The following RCN1 variants were observed in gnomAD, a reference collection of about 807,000 sequenced individuals.
RCN1 encodes the protein reticulocalbin 1.
RCN1 carries 14 observed loss-of-function variants against 34.7 expected under a neutral mutation model. That is an observed-to-expected ratio of 0.40 (90% CI 0.27 to 0.63). The LOEUF is 0.63. Ranked by LOEUF, RCN1 falls within the 30% of genes least tolerant of loss-of-function variation. RCN1 has a pLI of 0.37. For missense variants in RCN1, 326 were observed against 425.1 expected (o/e 0.77, Z 2.05); for synonymous variants, 125 against 165.5 (o/e 0.76, Z 1.88).
At chr11:32,093,735 A>G (rs1851944092) in intron 1 of RCN1, among the ~76,000 whole-genome samples, 1 of 152,210 alleles carries the variant, frequency 6.6e-6, no homozygotes, top group Non-Finnish European at 1.5e-5. Flanking sequence ...TGAGATGGAC[A>G]TGAGATGTTA....
At chr11:32,104,003 T>TTGCCCCCAAATTCTCAGGTTA (rs1456918617) in intron 5 of RCN1, among the ~76,000 whole-genome samples, 1 of 152,196 alleles carries the variant, frequency 6.6e-6, no homozygotes, top group Admixed American at 6.5e-5. Context: ...ACTTTGCTGA[T>TTGCCCCCAAATTCTCAGGTTA]TGCCCCCAAA....
At chr11:32,103,587 A>G (rs559611053) in intron 5 of RCN1, 107 bp downstream of exon 5, 2 of 962,454 alleles carry the variant, frequency 2.1e-6, no homozygotes, top group Non-Finnish European at 3.3e-6. Context: ...CCATGTCTTT[A>G]TTGACTTTTC....
intron 2 of RCN1, 31 bp from the exon 3 acceptor site, chr11:32,098,319 A>G (rs1590218808): frequency 6.3e-7 from 1 of 1,585,766 alleles, no homozygotes; most frequent in Middle Eastern, 2.2e-4. Flanking sequence ...CGCACGGTTT[A>G]AAAACATTTC....
chr11:32,101,456 C>T (rs1211026712), intron 4 of RCN1, among the ~76,000 whole-genome samples: 1 of 152,140 alleles, frequency 6.6e-6, no homozygotes, highest in Non-Finnish European at 1.5e-5. Flanking sequence ...AATTTTTGTA[C>T]AGATTTTTAA....
At chr11:32,103,620 C>G in intron 5 of RCN1, 140 bp downstream of exon 5, 2 of 724,586 alleles carry the variant, frequency 2.8e-6, no homozygotes, top group Middle Eastern at 2.4e-4. Context: ...CAGTGGAGAC[C>G]TGTAAACTTG....
At chr11:32,103,625 A>C in intron 5 of RCN1, 145 bp downstream of exon 5, 2 of 699,710 alleles carry the variant, frequency 2.9e-6, no homozygotes, top group Non-Finnish European at 4.9e-6. Context: ...GAGACCTGTA[A>C]ACTTGAGCTA....
At position 32,104,597 on chromosome 11, in the gene RCN1, G is replaced by C. The variant is rs1011864406; in HGVS notation, c.*125G>C. The C allele has an allele frequency of 2.2e-5, 13 of 587,464 alleles. No homozygotes were observed. The African/African-American group carries it at 2.2e-4, about 10-fold the overall frequency. 36.4% of individuals were successfully genotyped at this position (587,464 alleles called of 1,614,324 possible). On this transcript the variant is annotated 3_prime_UTR_variant, in exon 6 of 6. Coordinates refer to ENST00000054950, the MANE Select transcript of RCN1 (RefSeq NM_002901.4). ...AAAGCAAGTTTATACCTCAGATTGG[G>C]GTATAAAAATTGTTTTTCGCTCAGT...
At chr11:32,091,731 G>T (rs892716248) in intron 1 of RCN1, 32 of 458,010 alleles carry the variant, frequency 7.0e-5, no homozygotes, top group Non-Finnish European at 5.7e-5. Context: ...GCGAGGGCCC[G>T]CCCCCTCCCC....
At chr11:32,100,858 C>T (rs1020634710) in intron 4 of RCN1, among the ~76,000 whole-genome samples, 1 of 152,106 alleles carries the variant, frequency 6.6e-6, no homozygotes, top group African/African-American at 2.4e-5. Flanking sequence ...ACAGTTGGCC[C>T]CATGACTCTG....
chr11:32,104,327 A>G (rs1383212054), intron 5 of RCN1, 38 bp from the exon 6 acceptor site: 13 of 1,219,986 alleles, frequency 1.1e-5, no homozygotes, highest in Non-Finnish European at 1.2e-5. Flanking sequence ...TACAGTTACC[A>G]GAGCTTCCAT....
At chr11:32,095,303 G>A (rs1851960594) in intron 1 of RCN1, among the ~76,000 whole-genome samples, 1 of 150,946 alleles carries the variant, frequency 6.6e-6, no homozygotes, top group Non-Finnish European at 1.5e-5. Flanking sequence ...TGTTTACAGT[G>A]GTACAGTCAT....
chr11:32,103,815 C>T (rs1349425084), intron 5 of RCN1, among the ~76,000 whole-genome samples: 1 of 152,172 alleles, frequency 6.6e-6, no homozygotes, highest in Non-Finnish European at 1.5e-5. Context: ...TTCATTGTCA[C>T]CAAATACTTA....
intron 3 of RCN1, 97 bp from the exon 4 acceptor site, chr11:32,100,451 T>TCTCGGTGG: frequency 1.0e-6 from 1 of 975,494 alleles, no homozygotes; most frequent in Non-Finnish European, 1.6e-6. Flanking sequence ...TCACCAAGCA[T>TCTCGGTGG]TCAGCCGTAA....
chr11:32,097,460 C>G, intron 2 of RCN1, 123 bp downstream of exon 2: 1 of 585,430 alleles, frequency 1.7e-6, no homozygotes, highest in East Asian at 3.2e-5. Context: ...TAAGTAGAAC[C>G]TGCTTGTATA....
In RCN1 at chr11:32,091,078, C is replaced by A; in HGVS notation, c.-119C>A. On this transcript the variant is annotated 5_prime_UTR_variant, in exon 1 of 6. Coordinates refer to ENST00000054950, the MANE Select transcript of RCN1 (RefSeq NM_002901.4). ...GCACTGGCGGAGGGACTGGCCAGTC[C>A]CCTCCTCCGCGCCGGCCCCAACCCT... 1 of 1,191,514 alleles carries A rather than the reference C, an allele frequency of 8.4e-7. No homozygotes were observed. The highest frequency in any genetic ancestry group is 1.1e-6 in the Non-Finnish European group (1 of 914,008). 73.8% of individuals were successfully genotyped at this position (1,191,514 alleles called of 1,614,324 possible).
chr11:32,098,785 T>C (rs1172535886), intron 3 of RCN1, among the ~76,000 whole-genome samples: 4 of 152,200 alleles, frequency 2.6e-5, no homozygotes, highest in Admixed American at 6.5e-5. Context: ...GGCTGTTCTC[T>C]GAGCACAGTT....
At chr11:32,098,878 G>T (rs1336332758) in intron 3 of RCN1, among the ~76,000 whole-genome samples, 2 of 152,142 alleles carry the variant, frequency 1.3e-5, no homozygotes, top group Non-Finnish European at 2.9e-5. Flanking sequence ...CACCCAGCTG[G>T]CTGACAAAGG....
chr11:32,102,099 A>C (rs989267537), intron 4 of RCN1: 4 of 151,800 alleles, frequency 2.6e-5, no homozygotes, highest in African/African-American at 9.7e-5. Flanking sequence ...TCGTCATTTC[A>C]CTTCTCGGGG....
At chr11:32,103,141 T>G (rs1852065164) in intron 4 of RCN1, 140 bp from the exon 5 acceptor site, 1 of 704,942 alleles carries the variant, frequency 1.4e-6, no homozygotes, top group Admixed American at 2.3e-5. Context: ...CCCAAGAAGC[T>G]GCCTACCAGC....
Sources: allele counts gnomAD v4.1 joint callset (sites outside exome capture counted in the v4.1 genomes callset), GRCh38; gene constraint gnomAD v4.1.1; transcripts MANE v1.5; gene names NCBI Gene and HGNC (gene_info 2026-07-23, HGNC 2026-07-21).